The following KCNH7 variants were observed in gnomAD, a reference collection of about 807,000 sequenced individuals.
KCNH7 encodes the protein voltage-gated inwardly rectifying potassium channel KCNH7.
A neutral mutation model predicts 120.8 loss-of-function variants in KCNH7; 49 were observed. That is an observed-to-expected ratio of 0.41 (90% CI 0.32 to 0.51). The LOEUF (loss-of-function observed/expected upper bound fraction) is 0.51. Among genes scored for constraint, KCNH7 ranks in the 20% least tolerant of loss-of-function variants. The pLI is 0.38. For synonymous variants in KCNH7, 547 were observed against 516.1 expected (o/e 1.06, Z -0.81); for missense variants, 1,097 against 1,446.6 (o/e 0.76, Z 3.92).
intron 8 of KCNH7, among the ~76,000 whole-genome samples, chr2:162,427,667 G>T (rs947494124): frequency 6.6e-6 from 1 of 151,602 alleles, no homozygotes; most frequent in Non-Finnish European, 1.5e-5. Context: ...TTTCTTAATG[G>T]TGTGTTTTGA....
intron 2 of KCNH7, among the ~76,000 whole-genome samples, chr2:162,540,535 G>A (rs529177395): frequency 1.6e-4 from 24 of 152,166 alleles, no homozygotes; most frequent in Non-Finnish European, 2.8e-4. Flanking sequence ...CTTTAAAGGC[G>A]TTTTATTGTA....
chr2:162,830,081 A>T (rs1685421427), intron 2 of KCNH7, among the ~76,000 whole-genome samples: 1 of 152,160 alleles, frequency 6.6e-6, no homozygotes, highest in African/African-American at 2.4e-5. Flanking sequence ...CCTAGAACCA[A>T]GTGCTATGAG....
rs540285016 is a variant in KCNH7 at position 162,472,815 on chromosome 2, A to G, written c.1129-26372T>C. Among the ~76,000 whole-genome samples, 147 of 152,352 alleles carry G rather than the reference A, an allele frequency of 9.6e-4. 2 individuals are homozygous for G. Among genetic ancestry groups the G allele is most frequent in the Middle Eastern group, 3.4e-3 (1 of 294 alleles). On this transcript the variant is annotated intron_variant, in intron 6 of 15. Transcript: ENST00000332142. ...GTATGTTTATTGTGGCACTATTCACAATAGCAAAAACTTGGAACCGACCCA... is the reference window on the plus strand; with the variant it reads ...GTATGTTTATTGTGGCACTATTCACGATAGCAAAAACTTGGAACCGACCCA...
intron 2 of KCNH7, among the ~76,000 whole-genome samples, chr2:162,602,134 A>G (rs1309645118): frequency 6.6e-6 from 1 of 152,102 alleles, no homozygotes; most frequent in Non-Finnish European, 1.5e-5. Flanking sequence ...GTTTTACTAC[A>G]TACTTTCAAA....
At chr2:162,707,912 C>G (rs139201521) in intron 2 of KCNH7, among the ~76,000 whole-genome samples, 4 of 152,008 alleles carry the variant, frequency 2.6e-5, no homozygotes, top group Non-Finnish European at 4.4e-5. Flanking sequence ...AGTCTGCTTC[C>G]TCATTTTCAT....
intron 2 of KCNH7, among the ~76,000 whole-genome samples, chr2:162,765,650 T>C (rs1176530067): frequency 6.6e-6 from 1 of 152,240 alleles, no homozygotes; most frequent in African/African-American, 2.4e-5. Flanking sequence ...GTCATATTAC[T>C]GTCTTTCATG....
chr2:162,717,158 A>C (rs951394142), intron 2 of KCNH7, among the ~76,000 whole-genome samples: 1 of 152,136 alleles, frequency 6.6e-6, no homozygotes, highest in Non-Finnish European at 1.5e-5. Flanking sequence ...ATGTGAACAG[A>C]CAATGTTCTT....
chr2:162,538,309 C>T lies in KCNH7; in HGVS notation c.308-1229G>A, dbSNP rs555274682. ...GCCCAAGACAATTCTTCCAATGTGG[C>T]CCAGGGAAACCAAAAGATCGGACCC... is the stretch of plus-strand genomic sequence containing the variant. On this transcript the variant is annotated intron_variant, in intron 2 of 15. Coordinates refer to ENST00000332142, the MANE Select transcript of KCNH7 (RefSeq NM_033272.4). 1.4e-4 allele frequency among the ~76,000 whole-genome samples: 22 copies of T among 152,112 alleles called. 2 individuals are homozygous for T. In the South Asian group the frequency reaches 4.6e-3, roughly 32 times the overall value.
At chr2:162,531,459 A>G (rs796826911) in intron 3 of KCNH7, among the ~76,000 whole-genome samples, 4 of 152,148 alleles carry the variant, frequency 2.6e-5, no homozygotes, top group African/African-American at 9.6e-5. Flanking sequence ...AAACTAAACT[A>G]GGTATCCACC....
chr2:162,679,085 C>T (rs1397394401), intron 2 of KCNH7, among the ~76,000 whole-genome samples: 1 of 151,554 alleles, frequency 6.6e-6, no homozygotes, highest in Admixed American at 6.6e-5. Context: ...GAAAGAGCAG[C>T]ATGTTATCCT....
At chr2:162,630,522 A>C (rs1282016602) in intron 2 of KCNH7, among the ~76,000 whole-genome samples, 1 of 152,100 alleles carries the variant, frequency 6.6e-6, no homozygotes, top group Non-Finnish European at 1.5e-5. Context: ...ATGTAATGTC[A>C]TTACAGCTAC....
At chr2:162,802,574 T>C (rs566039939) in intron 2 of KCNH7, among the ~76,000 whole-genome samples, 89 of 151,886 alleles carry the variant, frequency 5.9e-4, no homozygotes, top group African/African-American at 1.8e-3. Context: ...AAATGGAATG[T>C]ATGCTGTAAG....
rs749312659 is a variant in KCNH7, at chr2:162,537,073, A to G, written c.315T>C (p.Thr105=). 1 of 1,611,702 alleles carries G rather than the reference A, an allele frequency of 6.2e-7. No individual in the cohort carries two copies. The highest frequency in any genetic ancestry group is 8.5e-7 in the Non-Finnish European group (1 of 1,178,310). ...EVTYYHKNGS[T]FICNTHIIPV... The stretch of plus-strand genomic sequence containing the variant: ...GAATTATGTGAGTGTTACAAATAAA[A>G]GTGGACCCTAAGGAGATTAAAAATG... Residue 105 remains threonine, a synonymous_variant, in exon 3 of 16, where the codon ACT becomes ACC. Coordinates refer to ENST00000332142, the MANE Select transcript of KCNH7 (RefSeq NM_033272.4).
intron 2 of KCNH7, among the ~76,000 whole-genome samples, chr2:162,707,691 A>G (rs1263575031): frequency 1.3e-5 from 2 of 152,132 alleles, no homozygotes; most frequent in Non-Finnish European, 2.9e-5. Context: ...ATAAAGAAGT[A>G]TTAATATCCT....
chr2:162,464,552 T>G (rs913247891), intron 6 of KCNH7, among the ~76,000 whole-genome samples: 13 of 152,016 alleles, frequency 8.6e-5, no homozygotes, highest in Admixed American at 8.5e-4. Context: ...TATAACTATA[T>G]CCATGTCCCG....
intron 8 of KCNH7, among the ~76,000 whole-genome samples, chr2:162,430,878 A>T (rs982032927): frequency 1.3e-5 from 2 of 151,748 alleles, no homozygotes; most frequent in African/African-American, 2.4e-5. Context: ...TATACATGTT[A>T]TTTATAATAT....
chr2:162,818,957 C>T (rs887611827), intron 2 of KCNH7, among the ~76,000 whole-genome samples: 1 of 152,106 alleles, frequency 6.6e-6, no homozygotes, highest in Non-Finnish European at 1.5e-5. Context: ...TGAAAATCTA[C>T]AACTTAAATC....
rs746542194 is a variant in KCNH7 at position 162,517,806 on chromosome 2, T to C, written c.816A>G (p.Arg272=). Residue 272 remains arginine, a synonymous_variant, in exon 4 of 16, where the codon AGA becomes AGG. Coordinates refer to ENST00000332142, the MANE Select transcript of KCNH7 (RefSeq NM_033272.4). The part of the protein sequence containing the change: ...RSRESLCSIR[R]ASSVHDIEGF... ...CTTCTATATCATGGACCGAAGATGC[T>C]CTCCGTATACTACATAAGCTTTCCC... is the stretch of plus-strand genomic sequence containing the variant. 8.7e-6 allele frequency: 14 copies of C among 1,608,622 alleles called. No homozygotes were observed. In the African/African-American group the frequency reaches 1.7e-4, roughly 20 times the overall value.
At chr2:162,484,903 C>T (rs1574015097) in intron 6 of KCNH7, among the ~76,000 whole-genome samples, 1 of 152,264 alleles carries the variant, frequency 6.6e-6, no homozygotes, top group East Asian at 1.9e-4. Context: ...AGGCCCTCAC[C>T]AGATGCAGAT....
Sources: allele counts gnomAD v4.1 joint callset (sites outside exome capture counted in the v4.1 genomes callset), GRCh38; gene constraint gnomAD v4.1.1; transcripts MANE v1.5; gene names NCBI Gene and HGNC (gene_info 2026-07-23, HGNC 2026-07-21).